The following RNF145 variants were observed in gnomAD, a reference collection of about 807,000 sequenced individuals.
The protein encoded by RNF145 is ring finger protein 145.
In RNF145, 12 loss-of-function variants were observed where a neutral mutation model predicts 57.3. The ratio of observed to expected loss-of-function variants is 0.21; its 90% CI spans 0.13 to 0.34. The LOEUF is 0.34. RNF145 is among the 10% of genes least tolerant of loss of function. The probability of loss-of-function intolerance (pLI) is 1.00; values close to 1 mark genes in which losing one functional copy is unlikely to be tolerated. For missense variants in RNF145, 429 were observed against 799.0 expected (o/e 0.54, Z 5.58); for synonymous variants, 262 against 288.3 (o/e 0.91, Z 0.92).
intron 5 of RNF145, among the ~76,000 whole-genome samples, chr5:159,176,380 A>G (rs1314141796): frequency 6.6e-6 from 1 of 152,126 alleles, no homozygotes; most frequent in Non-Finnish European, 1.5e-5. Flanking sequence ...TTACACAGCT[A>G]GTGAACAGCA....
intron 8 of RNF145, among the ~76,000 whole-genome samples, chr5:159,168,235 T>C (rs1050461406): frequency 2.6e-5 from 4 of 152,138 alleles, no homozygotes; most frequent in African/African-American, 9.7e-5. Context: ...ACCTCAAAAA[T>C]ATATACTACT....
At position 159,197,449 on chromosome 5, in the gene RNF145, C is replaced by T. The variant is rs150991147; in HGVS notation, c.185-2625G>A. Reference sequence around the variant, plus strand: ...TATCTATTTAGGTGAGGTAAGAGAACAGAAACCAAAACAACAAAAGCACCA... The same window carrying T: ...TATCTATTTAGGTGAGGTAAGAGAATAGAAACCAAAACAACAAAAGCACCA... On this transcript the variant is annotated intron_variant, in intron 2 of 10. Transcript: ENST00000424310. 7.2e-4 allele frequency among the ~76,000 whole-genome samples: 109 copies of T among 152,246 alleles called. 1 individual carries two copies. Among genetic ancestry groups the T allele is most frequent in the African/African-American group, 2.6e-3 (108 of 41,570 alleles).
intron 1 of RNF145, chr5:159,208,243 G>A: frequency 1.0e-6 from 1 of 986,116 alleles, no homozygotes; most frequent in Non-Finnish European, 1.3e-6. Flanking sequence ...GCCGCCGCGG[G>A]GCTAAGAGAT....
At chr5:159,166,596 C>G (rs941946568) in intron 8 of RNF145, among the ~76,000 whole-genome samples, 22 of 152,200 alleles carry the variant, frequency 1.4e-4, no homozygotes, top group Non-Finnish European at 3.2e-4. Context: ...TAGCACCTGT[C>G]TCCACTCATC....
At chr5:159,184,391 C>A (rs569230139) in intron 3 of RNF145, among the ~76,000 whole-genome samples, 2 of 152,248 alleles carry the variant, frequency 1.3e-5, no homozygotes, top group Non-Finnish European at 2.9e-5. Context: ...AAAGAAATTA[C>A]TGAATACATA....
At chr5:159,190,681 C>CAAAAA (rs58247587) in intron 3 of RNF145, among the ~76,000 whole-genome samples, 2 of 87,298 alleles carry the variant, frequency 2.3e-5, no homozygotes, top group South Asian at 3.9e-4. Flanking sequence ...ACAACCATCT[C>CAAAAA]AAAAAAAAAA....
intron 2 of RNF145, among the ~76,000 whole-genome samples, chr5:159,200,434 A>T (rs1205593058): frequency 1.3e-5 from 2 of 152,218 alleles, no homozygotes; most frequent in Admixed American, 6.5e-5. Flanking sequence ...AATTCAGTAT[A>T]TAATGAGAAA....
Position 159,161,466 on chromosome 5 carries a change from C to G in RNF145, c.1426G>C (p.Glu476Gln). Reference sequence around the variant, plus strand: ...ACTGTCCATTCTCCAAAGATGGTCTCTGAGACGCCATAGGCCACCACACAG... The same window carrying G: ...ACTGTCCATTCTCCAAAGATGGTCTGTGAGACGCCATAGGCCACCACACAG... ...ALCVVAYGVS[E>Q]TIFGEWTVMG... Residue 476 changes from glutamate (E) to glutamine (Q), a missense_variant, in exon 10 of 11, where the codon GAG becomes CAG. Coordinates refer to ENST00000424310, the MANE Select transcript of RNF145 (RefSeq NM_001199383.2). 6.2e-7 allele frequency: 1 copy of G among 1,614,184 alleles called. No homozygotes were observed. Among genetic ancestry groups the G allele is most frequent in the Non-Finnish European group, 8.5e-7 (1 of 1,180,038 alleles).
chr5:159,198,316 G>GA (rs1324239014), intron 2 of RNF145, among the ~76,000 whole-genome samples: 3 of 151,814 alleles, frequency 2.0e-5, no homozygotes, highest in Non-Finnish European at 4.4e-5. Context: ...TCTGAGAACA[G>GA]AAAAAATAAA....
At chr5:159,208,026 C>A in intron 1 of RNF145, 2 of 1,531,222 alleles carry the variant, frequency 1.3e-6, no homozygotes, top group Non-Finnish European at 1.7e-6. Flanking sequence ...CCTTCCCTTT[C>A]AGACTAGTTT....
At chr5:159,176,043 T>G (rs1231438470) in intron 5 of RNF145, among the ~76,000 whole-genome samples, 1 of 152,132 alleles carries the variant, frequency 6.6e-6, no homozygotes, top group East Asian at 1.9e-4. Context: ...ACAAAAAGCA[T>G]GTTATGTTGG....
intron 3 of RNF145, among the ~76,000 whole-genome samples, chr5:159,183,527 C>G (rs568312662): frequency 3.6e-4 from 54 of 151,604 alleles, no homozygotes; most frequent in Middle Eastern, 3.4e-3. Context: ...TATCTGATTA[C>G]TATAGGTAAC....
chr5:159,176,911 T>G, intron 4 of RNF145, 44 bp from the exon 5 acceptor site: 1 of 1,204,796 alleles, frequency 8.3e-7, no homozygotes, highest in Non-Finnish European at 1.2e-6. Context: ...GTATTTGGCA[T>G]CCACAAAATA....
chr5:159,205,306 G>C (rs1175621422), intron 1 of RNF145, among the ~76,000 whole-genome samples: 1 of 152,000 alleles, frequency 6.6e-6, no homozygotes, highest in Non-Finnish European at 1.5e-5. Context: ...GTGAAAATCA[G>C]AACTAAATAT....
chr5:159,205,349 T>C (rs983800148), intron 1 of RNF145, among the ~76,000 whole-genome samples: 2 of 152,074 alleles, frequency 1.3e-5, no homozygotes, highest in Non-Finnish European at 2.9e-5. Context: ...CACTGAAAAA[T>C]AAAATCTCTA....
At chr5:159,209,955 T>A, upstream of RNF145, 3 of 1,501,070 alleles carry the variant, frequency 2.0e-6, no homozygotes, top group South Asian at 3.6e-5. Context: ...CTGACTGGAC[T>A]AGACTGTAAA....
intron 5 of RNF145, among the ~76,000 whole-genome samples, chr5:159,176,031 T>C (rs1397028818): frequency 6.6e-6 from 1 of 152,128 alleles, no homozygotes; most frequent in Non-Finnish European, 1.5e-5. Flanking sequence ...GAAGAAACTT[T>C]TACAAAAAGC....
chr5:159,196,725 C>T (rs943446651), intron 2 of RNF145, among the ~76,000 whole-genome samples: 2 of 152,116 alleles, frequency 1.3e-5, no homozygotes, highest in East Asian at 1.9e-4. Flanking sequence ...ATTTTGTTAA[C>T]CCCTACCTCA....
intron 5 of RNF145, among the ~76,000 whole-genome samples, 165 bp downstream of exon 5, chr5:159,176,463 TAATC>T (rs1784724224): frequency 6.6e-6 from 1 of 152,108 alleles, no homozygotes; most frequent in East Asian, 1.9e-4. Context: ...CAATAGAACA[TAATC>T]AAGAATCTTT....
Sources: gnomAD v4.1 joint callset for allele counts (sites outside exome capture counted in the v4.1 genomes callset) on GRCh38, gnomAD v4.1.1 for gene constraint, MANE v1.5 for transcripts, NCBI Gene and HGNC (gene_info 2026-07-23, HGNC 2026-07-21) for gene names.